Variants in ALCAM observed in about 807,000 individuals in gnomAD.
ALCAM encodes activated leukocyte cell adhesion molecule, also known as CD166 antigen.
A neutral mutation model predicts 70.9 loss-of-function variants in ALCAM; 30 were observed. The ratio of observed to expected loss-of-function variants is 0.42; its 90% CI spans 0.32 to 0.57. The LOEUF (loss-of-function observed/expected upper bound fraction) is 0.57. ALCAM is among the 20% of genes least tolerant of loss of function. The pLI, the probability that ALCAM is intolerant of heterozygous loss-of-function variation, is 0.11. For missense variants in ALCAM, 591 were observed against 695.1 expected, an observed-to-expected ratio of 0.85 and a Z score of 1.68; for synonymous variants, 249 against 242.5, an observed-to-expected ratio of 1.03 and a Z score of -0.25.
chr3:105,381,785 C>G (rs191183502), intron 1 of ALCAM, among the ~76,000 whole-genome samples: 5 of 151,642 alleles, frequency 3.3e-5, no homozygotes, highest in Non-Finnish European at 7.4e-5. Context: ...TTTTAAGAAA[C>G]CAAAAGAAGT....
chr3:105,552,981 A>G (rs1323890501), intron 14 of ALCAM: 2 of 1,016,690 alleles, frequency 2.0e-6, no homozygotes, highest in Admixed American at 5.1e-5. Flanking sequence ...TTGCAGTGAC[A>G]CATCTGGCCA....
chr3:105,457,342 G>A (rs1937547540), intron 1 of ALCAM, among the ~76,000 whole-genome samples: 1 of 152,156 alleles, frequency 6.6e-6, no homozygotes, highest in African/African-American at 2.4e-5. Context: ...TCACTTATAA[G>A]TGGGAGCTAA....
intron 8 of ALCAM, among the ~76,000 whole-genome samples, chr3:105,543,093 T>C (rs1218249535): frequency 6.6e-6 from 1 of 151,698 alleles, no homozygotes; most frequent in African/African-American, 2.4e-5. Context: ...AATAATCTAG[T>C]GCCTTAGAGA....
Position 105,520,114 on chromosome 3 carries a change from A to T in ALCAM, c.121A>T (p.Ile41Leu), listed in dbSNP as rs1456682331. Residue 41 changes from isoleucine (I) to leucine (L), a missense_variant, in exon 2 of 16, where the codon ATA becomes TTA. Ile to Leu is a conservative substitution (Grantham distance 5). Coordinates refer to ENST00000306107, the MANE Select transcript of ALCAM (RefSeq NM_001627.4). ...VNSAYGDTII[I>L]PCRLDVPQNL... is the part of the protein sequence containing the mutation. ...TTCAGCATATGGAGATACCATTATC[A>T]TACCTTGCCGACTTGACGTACCTCA... 1 of 1,613,076 alleles carries T rather than the reference A, an allele frequency of 6.2e-7. No individual in the cohort carries two copies. The highest frequency in any genetic ancestry group is 8.5e-7 in the Non-Finnish European group (1 of 1,179,560).
chr3:105,474,602 AAAG>A (rs1938042924), intron 1 of ALCAM, among the ~76,000 whole-genome samples: 2 of 151,592 alleles, frequency 1.3e-5, no homozygotes, highest in Admixed American at 1.3e-4. Context: ...TGCGAAAAAA[AAAG>A]AGAGAGAGAG....
intron 1 of ALCAM, among the ~76,000 whole-genome samples, chr3:105,405,273 G>T (rs1320908371): frequency 2.3e-5 from 1 of 43,084 alleles, no homozygotes; most frequent in African/African-American, 9.8e-5. Context: ...GCAAAACTTC[G>T]TCTCAAAAAA....
intron 7 of ALCAM, among the ~76,000 whole-genome samples, chr3:105,541,273 AGTGTATTTCCT>A (rs1341920156): frequency 6.7e-6 from 1 of 149,886 alleles, no homozygotes; most frequent in Non-Finnish European, 1.5e-5. Context: ...CTGGATATAT[AGTGTATTTCCT>A]TTTAAGCTGC....
intron 1 of ALCAM, among the ~76,000 whole-genome samples, chr3:105,478,723 T>G (rs1044871997): frequency 1.3e-5 from 2 of 152,164 alleles, no homozygotes; most frequent in African/African-American, 4.8e-5. Flanking sequence ...AAAACTAAAC[T>G]CTGCAAATAT....
chr3:105,475,155 C>T (rs1159024489), intron 1 of ALCAM, among the ~76,000 whole-genome samples: 1 of 151,852 alleles, frequency 6.6e-6, no homozygotes, highest in Non-Finnish European at 1.5e-5. Flanking sequence ...TATTTGCTTA[C>T]ATTGTCAATA....
rs535672960 is a variant in ALCAM, at chr3:105,562,460, C to T, written c.1665-9392C>T. The stretch of plus-strand genomic sequence containing the variant: ...ATTCATTGATTGTTGAATGGTAAGC[C>T]AGTCTTGCATTCTTGAAATACATCT... On this transcript the variant is annotated intron_variant, in intron 14 of 15. Coordinates refer to ENST00000306107, the MANE Select transcript of ALCAM (RefSeq NM_001627.4). Among the ~76,000 whole-genome samples, 6 of 152,176 alleles carry T rather than the reference C, an allele frequency of 3.9e-5. No homozygotes were observed. In the East Asian group the frequency reaches 1.2e-3, roughly 29 times the overall value.
At chr3:105,499,495 T>C (rs1938858823) in intron 1 of ALCAM, among the ~76,000 whole-genome samples, 1 of 152,240 alleles carries the variant, frequency 6.6e-6, no homozygotes, top group African/African-American at 2.4e-5. Context: ...TTAACATGGC[T>C]TTCATTTCCA....
chr3:105,495,720 T>G (rs920590110), intron 1 of ALCAM, among the ~76,000 whole-genome samples: 1 of 152,174 alleles, frequency 6.6e-6, no homozygotes, highest in Non-Finnish European at 1.5e-5. Context: ...AAGATCAAAG[T>G]GCCATTTACT....
intron 8 of ALCAM, chr3:105,544,920 T>G (rs547833634): frequency 3.6e-6 from 1 of 278,130 alleles, no homozygotes; most frequent in African/African-American, 2.2e-5. Flanking sequence ...TTAAGATTTT[T>G]TTTTCTTAAG....
At chr3:105,563,908 C>G (rs1296360696) in intron 14 of ALCAM, among the ~76,000 whole-genome samples, 1 of 149,668 alleles carries the variant, frequency 6.7e-6, no homozygotes, top group African/African-American at 2.5e-5. Flanking sequence ...AGGATGGTCT[C>G]GATCTCCTGA....
At chr3:105,475,579 A>G (rs745669813) in intron 1 of ALCAM, among the ~76,000 whole-genome samples, 33 of 152,058 alleles carry the variant, frequency 2.2e-4, no homozygotes, top group Non-Finnish European at 4.3e-4. Flanking sequence ...AGACTTCATC[A>G]CGAACACATA....
chr3:105,454,854 A>G (rs1302040648), intron 1 of ALCAM, among the ~76,000 whole-genome samples: 1 of 151,094 alleles, frequency 6.6e-6, no homozygotes, highest in African/African-American at 2.4e-5. Flanking sequence ...GTGTGTGTGT[A>G]TTTTTAGTAG....
At chr3:105,471,970 C>G (rs139237391) in intron 1 of ALCAM, among the ~76,000 whole-genome samples, 78 of 151,516 alleles carry the variant, frequency 5.1e-4, no homozygotes, top group Middle Eastern at 3.4e-3. Flanking sequence ...ACCCCAGCCT[C>G]TGGTAACCAC....
Position 105,367,195 on chromosome 3 carries a change from G to C in ALCAM, c.-214G>C, listed in dbSNP as rs1249326522. The C allele has an allele frequency of 1.8e-6, 1 of 565,580 alleles. No homozygotes were observed. The highest frequency in any genetic ancestry group is 2.0e-5 in the South Asian group (1 of 49,268). 35.0% of individuals were successfully genotyped at this position (565,580 alleles called of 1,614,324 possible). ...AAGGGCCCGTGGGCTGGTGTTGACC[G>C]GGAGGGAGGAGGAGTTGGGGGCATT... On this transcript the variant is annotated 5_prime_UTR_variant, in exon 1 of 16. Transcript: ENST00000306107.
intron 1 of ALCAM, among the ~76,000 whole-genome samples, chr3:105,402,763 C>T (rs535125702): frequency 3.3e-5 from 5 of 152,090 alleles, no homozygotes; most frequent in South Asian, 2.1e-4. Context: ...AGTTCAGACA[C>T]GTCTATCCCT....
Sources: allele counts gnomAD v4.1 joint callset (sites outside exome capture counted in the v4.1 genomes callset), GRCh38; gene constraint gnomAD v4.1.1; transcripts MANE v1.5; gene names NCBI Gene and HGNC (gene_info 2026-07-23, HGNC 2026-07-21).